Variants in ALS2CL observed in about 807,000 individuals in gnomAD.
The protein encoded by ALS2CL is ALS2 C-terminal like.
Under a neutral mutation model 127.9 loss-of-function variants are expected in ALS2CL, and 112 were observed. That is an observed-to-expected ratio of 0.88 (90% confidence interval 0.75 to 1.02). ALS2CL has a LOEUF of 1.02. Among genes scored for constraint, ALS2CL ranks in the 50% least tolerant of loss-of-function variants. The pLI, the probability that ALS2CL is intolerant of heterozygous loss-of-function variation, is 0.00. For synonymous variants in ALS2CL, 519 were observed against 527.6 expected (o/e 0.98, Z 0.22); for missense variants, 1,174 against 1,236.7 (o/e 0.95, Z 0.76).
At position 46,683,789 on chromosome 3, in the gene ALS2CL, T is replaced by G. The variant is rs758292192; in HGVS notation, c.905A>C (p.Gln302Pro). Residue 302 changes from glutamine to proline, a missense_variant, in exon 9 of 26, where the codon CAG becomes CCG. Coordinates refer to ENST00000318962, the MANE Select transcript of ALS2CL (RefSeq NM_147129.5). ...CAGCTCACCCACACTCACCTGGCCC[T>G]GGGAGTCCTTGGCACAAAAGGAGAA... The part of the protein sequence containing the change: ...EEFSFCAKDS[Q>P]GQAVWQWKVT... The G allele has an allele frequency of 6.2e-7, 1 of 1,614,026 alleles. No homozygotes were observed. Among genetic ancestry groups the G allele is most frequent in the Non-Finnish European group, 8.5e-7 (1 of 1,179,978 alleles).
chr3:46,685,476 C>A, intron 7 of ALS2CL, 49 bp downstream of exon 7: 1 of 1,603,132 alleles, frequency 6.2e-7, no homozygotes, highest in East Asian at 2.2e-5. Context: ...CCAGCCAGAC[C>A]CCAGAACCCT....
At position 46,678,241 on chromosome 3, in the gene ALS2CL, G is replaced by A; in HGVS notation, c.1757+18C>T. 6.4e-7 allele frequency: 1 copy of A among 1,558,306 alleles called. No homozygotes were observed. The highest frequency in any genetic ancestry group is 8.7e-7 in the Non-Finnish European group (1 of 1,144,588). On this transcript the variant is annotated intron_variant, in intron 16 of 25. Coordinates refer to ENST00000318962, the MANE Select transcript of ALS2CL (RefSeq NM_147129.5). Reference sequence around the variant, plus strand: ...ACATCCCCAGATAGGCCCAGAGCCAGAGGGGCCAGGCACTCACCTCTTGCA... The same window carrying A: ...ACATCCCCAGATAGGCCCAGAGCCAAAGGGGCCAGGCACTCACCTCTTGCA...
At chr3:46,680,684 G>T in intron 13 of ALS2CL, 143 bp from the exon 14 acceptor site, 1 of 694,658 alleles carries the variant, frequency 1.4e-6, no homozygotes, top group Non-Finnish European at 2.5e-6. Context: ...CAGTGCCAGA[G>T]AGGTCAGGAC....
At chr3:46,691,365 A>G (rs1443484080) in intron 1 of ALS2CL, among the ~76,000 whole-genome samples, 1 of 152,146 alleles carries the variant, frequency 6.6e-6, no homozygotes, top group Non-Finnish European at 1.5e-5. Flanking sequence ...GAACCAGATC[A>G]GTGCACGTTG....
chr3:46,672,346 C>A, intron 22 of ALS2CL, 145 bp from the exon 23 acceptor site: 2 of 989,746 alleles, frequency 2.0e-6, no homozygotes, highest in Non-Finnish European at 3.0e-6. Context: ...GCTGAGTGAC[C>A]CAGGGCAAGT....
Position 46,676,300 on chromosome 3 carries a change from C to A in ALS2CL, c.2131G>T (p.Glu711Ter), listed in dbSNP as rs948334223. ...AGVGANKHLQ[E>*]LAQEEVKQHA... is the part of the protein sequence containing the mutation. ...TGCTTCACCTCCTCCTGGGCCAGCT[C>A]CTGCAGGTGCTTGTTGGCCCCGACA... Residue 711 changes from glutamate to a stop codon, truncating the protein, a stop_gained, in exon 19 of 26, where the codon GAG becomes TAG. Coordinates refer to ENST00000318962, the MANE Select transcript of ALS2CL (RefSeq NM_147129.5). LOFTEE classifies it high-confidence loss of function. 6.2e-7 allele frequency: 1 copy of A among 1,613,794 alleles called. No homozygotes were observed.
At chr3:46,682,994 G>T (rs1019053610) in intron 10 of ALS2CL, 136 bp downstream of exon 10, 3 of 945,132 alleles carry the variant, frequency 3.2e-6, no homozygotes, top group Non-Finnish European at 4.4e-6. Flanking sequence ...ACTTAAGAGG[G>T]ACTCTGAGAA....
chr3:46,688,243 G>A lies in ALS2CL; in HGVS notation c.157C>T (p.Leu53=). The A allele has an allele frequency of 6.2e-7, 1 of 1,612,958 alleles. No homozygotes were observed. Among genetic ancestry groups the A allele is most frequent in the East Asian group, 2.2e-5 (1 of 44,872 alleles). Residue 53 remains leucine (L), a synonymous_variant, in exon 3 of 26, where the codon CTG becomes TTG. Transcript: ENST00000318962. ...GRECLRLLQQ[L]HKSSQQLWEV... is the part of the protein sequence containing the mutation. ...CAGAGTTGCTGGGAGCTCTTGTGCAGCTGTTGCAAGAGCCGCAGGCACTCT... is the reference window on the plus strand; with the variant it reads ...CAGAGTTGCTGGGAGCTCTTGTGCAACTGTTGCAAGAGCCGCAGGCACTCT...
At chr3:46,671,465 G>C (rs767324529) in intron 25 of ALS2CL, 23 bp downstream of exon 25, 2 of 1,613,540 alleles carry the variant, frequency 1.2e-6, no homozygotes, top group Admixed American at 3.3e-5. Context: ...TTTCCACCTC[G>C]GTCCACAGCC....
intron 1 of ALS2CL, among the ~76,000 whole-genome samples, chr3:46,692,348 C>T (rs1457480750): frequency 1.3e-5 from 2 of 152,000 alleles, no homozygotes; most frequent in African/African-American, 4.8e-5. Context: ...GCAGGAGTAC[C>T]CCCCTCCCCA....
chr3:46,671,942 A>T lies in ALS2CL; in HGVS notation c.2626T>A (p.Tyr876Asn). 1.9e-6 allele frequency: 3 copies of T among 1,613,666 alleles called. No individual in the cohort carries two copies. Among genetic ancestry groups the T allele is most frequent in the Non-Finnish European group, 2.5e-6 (3 of 1,179,942 alleles). The change falls in exon 24 of 26, where the codon TAC (tyrosine) becomes AAC (asparagine). Residue 876 changes from tyrosine to asparagine, a missense_variant. Physicochemically the swap from Tyr to Asn is moderately radical, Grantham distance 143 (BLOSUM62 -2). Transcript: ENST00000318962. ...AGCAGGTCGTCCATGGGCAGCTTGT[A>T]CTCCCGGCCCAATACCCTCGACACC... Reference protein sequence around the residue: ...GTVSRVLGREYKLPMDDLLPL... With the variant: ...GTVSRVLGRENKLPMDDLLPL...
Position 46,685,715 on chromosome 3 carries a change from C to A in ALS2CL, c.667-71G>T, listed in dbSNP as rs1699713427. 6 of 1,549,848 alleles carry A rather than the reference C, an allele frequency of 3.9e-6. No individual in the cohort carries two copies. In the South Asian group the frequency reaches 7.2e-5, roughly 18 times the overall value. On this transcript the variant is annotated intron_variant, in intron 6 of 25. Coordinates refer to ENST00000318962, the MANE Select transcript of ALS2CL (RefSeq NM_147129.5). ...TGCAAGCTGCCTGCCACTCTGCCAC[C>A]TCCCAATGTACCCCAGACACCTCCC...
chr3:46,680,699 A>C lies in ALS2CL; in HGVS notation c.1437-158T>G, dbSNP rs114766251. On this transcript the variant is annotated intron_variant, in intron 13 of 25. Coordinates refer to ENST00000318962, the MANE Select transcript of ALS2CL (RefSeq NM_147129.5). ...CAGTGCCAGAGAGGTCAGGACCCCC[A>C]AGAGGAATAGAGAATGGAGGAGGGA... is the stretch of plus-strand genomic sequence containing the variant. 0.018 allele frequency: 11,764 copies of C among 636,996 alleles called. 163 individuals are homozygous for C. Among genetic ancestry groups the C allele is most frequent in the Non-Finnish European group, 0.024 (8,843 of 365,032 alleles). 39.5% of individuals were successfully genotyped at this position (636,996 alleles called of 1,614,324 possible).
rs1698322943 is a variant in ALS2CL, at chr3:46,670,820, C to T, written c.*164G>A. Reference sequence around the variant, plus strand: ...CAGGGCCACACCCGTCACCCCTCACCCTCATCCCAGTCAGGGCAGCAGCAG... The same window carrying T: ...CAGGGCCACACCCGTCACCCCTCACTCTCATCCCAGTCAGGGCAGCAGCAG... On this transcript the variant is annotated 3_prime_UTR_variant, in exon 26 of 26. Transcript: ENST00000318962. The surrounding 1 kb of genome is among the most constrained non-coding windows in gnomAD (Gnocchi z 5.5). The T allele has an allele frequency of 1.4e-6, 1 of 706,306 alleles. No homozygotes were observed. The highest frequency in any genetic ancestry group is 1.7e-5 in the South Asian group (1 of 58,954). The allele number at this position is 706,306 out of a possible 1,614,324, so 43.8% of individuals were successfully genotyped here. A position where few individuals can be genotyped will look rare whatever the true frequency, so the allele number is the denominator to read the frequency against.
intron 16 of ALS2CL, 112 bp downstream of exon 16, chr3:46,678,147 G>T: frequency 8.2e-7 from 1 of 1,217,002 alleles, no homozygotes. Flanking sequence ...GAACTCTCTA[G>T]AGGGCTAAGA....
chr3:46,675,049 A>T, intron 20 of ALS2CL: 1 of 290,100 alleles, frequency 3.4e-6, no homozygotes, highest in Non-Finnish European at 6.4e-6. Flanking sequence ...CTCAGCAGCC[A>T]TTCCAGGCTG....
chr3:46,690,065 G>A (rs1380091205), intron 1 of ALS2CL, among the ~76,000 whole-genome samples: 1 of 152,186 alleles, frequency 6.6e-6, no homozygotes, highest in Non-Finnish European at 1.5e-5. Context: ...GCAAGTGGAG[G>A]AACCCTGAGA....
At position 46,674,294 on chromosome 3, in the gene ALS2CL, C is replaced by T. The variant is rs78562935; in HGVS notation, c.2429+272G>A. Among the ~76,000 whole-genome samples, 887 of 152,300 alleles carry T rather than the reference C, an allele frequency of 5.8e-3. 39 individuals carry two copies. In the East Asian group the frequency reaches 0.11, roughly 18 times the overall value. ...GGCAATGCCAGCTCCTGTGGGGACT[C>T]TGGGAGAGGAGCTGGGAGGGTATGA... On this transcript the variant is annotated intron_variant, in intron 21 of 25. Transcript: ENST00000318962.
intron 10 of ALS2CL, among the ~76,000 whole-genome samples, chr3:46,682,662 G>A (rs959787872): frequency 4.6e-5 from 7 of 152,152 alleles, no homozygotes; most frequent in Admixed American, 1.3e-4. Flanking sequence ...GATTGAGGCC[G>A]GCTCACCCTA....
Sources: allele counts gnomAD v4.1 joint callset (sites outside exome capture counted in the v4.1 genomes callset), GRCh38; gene constraint gnomAD v4.1.1; non-coding constraint Gnocchi (gnomAD v3.1); transcripts MANE v1.5; gene names NCBI Gene and HGNC (gene_info 2026-07-23, HGNC 2026-07-21).